The following TRIP12 variants were observed in gnomAD, a reference collection of about 807,000 sequenced individuals.
The protein encoded by TRIP12 is thyroid hormone receptor interactor 12, also known as E3 ubiquitin-protein ligase TRIP12.
In TRIP12, 25 loss-of-function variants were observed where a neutral mutation model predicts 244.2. The ratio of observed to expected loss-of-function variants is 0.10; its 90% CI spans 0.07 to 0.14. TRIP12 has a LOEUF of 0.14. Ranked by LOEUF, TRIP12 falls within the 10% of genes least tolerant of loss-of-function variation. The pLI, the probability that TRIP12 is intolerant of heterozygous loss-of-function variation, is 1.00. For missense variants in TRIP12, 1,677 were observed against 2,486.4 expected, an observed-to-expected ratio of 0.67 and a Z score of 6.92; for synonymous variants, 905 against 873.1, an observed-to-expected ratio of 1.04 and a Z score of -0.64.
chr2:229,836,667 T>C (rs960016373), intron 6 of TRIP12, among the ~76,000 whole-genome samples, 181 bp downstream of exon 6: 2 of 152,154 alleles, frequency 1.3e-5, no homozygotes, highest in Non-Finnish European at 2.9e-5. Context: ...TTAGAGCAAA[T>C]TTGGATGAGA....
intron 2 of TRIP12, among the ~76,000 whole-genome samples, chr2:229,863,854 T>C (rs531709521): frequency 6.6e-6 from 1 of 152,334 alleles, no homozygotes; most frequent in South Asian, 2.1e-4. Flanking sequence ...TTAGTTTTTA[T>C]TAAAAAGCAT....
intron 5 of TRIP12, among the ~76,000 whole-genome samples, chr2:229,838,841 A>G (rs1203834479): frequency 6.6e-6 from 1 of 152,230 alleles, no homozygotes; most frequent in Admixed American, 6.5e-5. Flanking sequence ...ACAGGTTGAA[A>G]AGATTTAAGG....
chr2:229,823,314 A>G (rs986649337), intron 8 of TRIP12, among the ~76,000 whole-genome samples: 4 of 151,866 alleles, frequency 2.6e-5, no homozygotes, highest in African/African-American at 9.7e-5. Flanking sequence ...TGGTTTTTAC[A>G]TTTTTTTTGA....
intron 13 of TRIP12, among the ~76,000 whole-genome samples, chr2:229,811,737 C>T (rs2047301380): frequency 6.6e-6 from 1 of 152,134 alleles, no homozygotes; most frequent in South Asian, 2.1e-4. Flanking sequence ...AACAGAGTGG[C>T]ATCACTGACA....
In TRIP12 at chr2:229,814,038, T is replaced by G; in HGVS notation, c.1825-7A>C. ...AGCAGTCTGCCAAACCACCCTAAAA[T>G]ATAGAAAACTGTTAAGGTAAAGAAA... is the stretch of plus-strand genomic sequence containing the variant. On this transcript the variant is annotated splice_region_variant and splice_polypyrimidine_tract_variant and intron_variant, in intron 12 of 41. Coordinates refer to ENST00000675903, the MANE Select transcript of TRIP12 (RefSeq NM_001348323.3). 6.4e-7 allele frequency: 1 copy of G among 1,566,702 alleles called. No individual in the cohort carries two copies.
At chr2:229,768,224 T>C (rs1301665639) in intron 41 of TRIP12, among the ~76,000 whole-genome samples, 1 of 152,206 alleles carries the variant, frequency 6.6e-6, no homozygotes, top group Non-Finnish European at 1.5e-5. Flanking sequence ...ATCACGCCAC[T>C]GCACTTCAGC....
chr2:229,853,710 A>G (rs925487297), intron 4 of TRIP12, among the ~76,000 whole-genome samples: 1 of 151,552 alleles, frequency 6.6e-6, no homozygotes, highest in African/African-American at 2.4e-5. Context: ...ATACATGACC[A>G]TAACTCTCAA....
chr2:229,787,890 C>T (rs1197762842), intron 32 of TRIP12, among the ~76,000 whole-genome samples: 1 of 152,150 alleles, frequency 6.6e-6, no homozygotes, highest in Non-Finnish European at 1.5e-5. Flanking sequence ...GCAACCGCCA[C>T]CTCCCGGGCT....
At chr2:229,833,530 C>T (rs780987194) in intron 6 of TRIP12, among the ~76,000 whole-genome samples, 8 of 152,124 alleles carry the variant, frequency 5.3e-5, no homozygotes, top group Non-Finnish European at 1.0e-4. Context: ...CTCAAGTGAT[C>T]CACCTGCCTC....
intron 1 of TRIP12, among the ~76,000 whole-genome samples, chr2:229,909,535 G>T (rs2073830343): frequency 6.6e-6 from 1 of 151,618 alleles, no homozygotes; most frequent in Non-Finnish European, 1.5e-5. Flanking sequence ...TCCAGCCTAG[G>T]TGACAGCGTT....
Position 229,778,736 on chromosome 2 carries a change from C to A in TRIP12, c.5209+140G>T. On this transcript the variant is annotated intron_variant, in intron 35 of 41. Transcript: ENST00000675903. This position sits in a 1 kb window ranked among gnomAD's most constrained non-coding sequence, Gnocchi z 4.1. Reference sequence around the variant, plus strand: ...TCCTCTAGAACTGGACAGGCCTTCCCTATTTGATAAATGAGAAAACAGAGG... The same window carrying A: ...TCCTCTAGAACTGGACAGGCCTTCCATATTTGATAAATGAGAAAACAGAGG... 7.5e-7 allele frequency: 1 copy of A among 1,333,274 alleles called. No homozygotes were observed. The highest frequency in any genetic ancestry group is 1.4e-5 in the South Asian group (1 of 71,788). 82.6% of individuals were successfully genotyped at this position (1,333,274 alleles called of 1,614,324 possible).
intron 1 of TRIP12, among the ~76,000 whole-genome samples, chr2:229,884,467 C>A (rs537914700): frequency 8.5e-5 from 13 of 152,054 alleles, no homozygotes; most frequent in African/African-American, 3.1e-4. Flanking sequence ...GAACTCATGA[C>A]CTCAAGTGAT....
rs1049605781 is a variant in TRIP12, at chr2:229,779,122, C to T, written c.5095-132G>A. 3 of 718,156 alleles carry T rather than the reference C, an allele frequency of 4.2e-6. No homozygotes were observed. The East Asian group carries it at 8.0e-5, about 19-fold the overall frequency. 44.5% of individuals were successfully genotyped at this position (718,156 alleles called of 1,614,324 possible). A position where few individuals can be genotyped will look rare whatever the true frequency, so the allele number is the denominator to read the frequency against. Reference sequence around the variant, plus strand: ...ATTAGAGATTATTTTCCAAAATGTCCTGGCTGGATTTATTCTTTCAGTCCT... The same window carrying T: ...ATTAGAGATTATTTTCCAAAATGTCTTGGCTGGATTTATTCTTTCAGTCCT... On this transcript the variant is annotated intron_variant, in intron 34 of 41. Transcript: ENST00000675903.
rs556592458 is a variant in TRIP12, at chr2:229,861,470, A to C, written c.99-939T>G. 2.0e-5 allele frequency among the ~76,000 whole-genome samples: 3 copies of C among 152,312 alleles called. No individual in the cohort carries two copies. The East Asian group carries it at 5.8e-4, about 29-fold the overall frequency. ...CATAGCTGATATCCACTTTCCACAT[A>C]AGAGCATATACCAATGAAAATCTAG... On this transcript the variant is annotated intron_variant, in intron 2 of 41. Coordinates refer to ENST00000675903, the MANE Select transcript of TRIP12 (RefSeq NM_001348323.3).
At chr2:229,826,346 G>C (rs995574202) in intron 8 of TRIP12, among the ~76,000 whole-genome samples, 1 of 152,080 alleles carries the variant, frequency 6.6e-6, no homozygotes, top group South Asian at 2.1e-4. Context: ...ATAAAGGCTC[G>C]AAACTCAATC....
intron 8 of TRIP12, among the ~76,000 whole-genome samples, chr2:229,824,302 T>C (rs2050896597): frequency 6.6e-6 from 1 of 152,074 alleles, no homozygotes; most frequent in Non-Finnish European, 1.5e-5. Context: ...TTGGTAAAAA[T>C]TCAAAAGCTT....
chr2:229,771,584 A>C lies in TRIP12; in HGVS notation c.5743T>G (p.Ser1915Ala). Reference protein sequence around the residue: ...LNEGVSRQFDSFRDGFESVFP... With the variant: ...LNEGVSRQFDAFRDGFESVFP... ...ACTGATTCAAATCCATCTCTGAACGAATCAAATTGCCTAGAAACGCCTTCA... is the reference window on the plus strand; with the variant it reads ...ACTGATTCAAATCCATCTCTGAACGCATCAAATTGCCTAGAAACGCCTTCA... The change falls in exon 39 of 42, where the codon TCG becomes GCG. Residue 1915 changes from serine to alanine, a missense_variant. Coordinates refer to ENST00000675903, the MANE Select transcript of TRIP12 (RefSeq NM_001348323.3). The C allele has an allele frequency of 6.2e-7, 1 of 1,614,122 alleles. No individual in the cohort carries two copies. The highest frequency in any genetic ancestry group is 8.5e-7 in the Non-Finnish European group (1 of 1,179,974).
intron 1 of TRIP12, among the ~76,000 whole-genome samples, chr2:229,915,707 A>G (rs202049888): frequency 1.6e-5 from 2 of 121,314 alleles, no homozygotes; most frequent in African/African-American, 3.0e-5. Flanking sequence ...AAAAAAAAAA[A>G]TTTTTTGAGA....
At chr2:229,792,101 G>A in intron 28 of TRIP12, 36 bp from the exon 29 acceptor site, 5 of 1,613,894 alleles carry the variant, frequency 3.1e-6, no homozygotes, top group Non-Finnish European at 4.2e-6. Flanking sequence ...TTAAGCCAAA[G>A]GCCCTGAACT....
Sources: gnomAD v4.1 joint callset for allele counts (sites outside exome capture counted in the v4.1 genomes callset) on GRCh38, gnomAD v4.1.1 for gene constraint, Gnocchi (gnomAD v3.1) non-coding constraint, MANE v1.5 for transcripts, NCBI Gene and HGNC (gene_info 2026-07-23, HGNC 2026-07-21) for gene names.